CTNNA3: variants seen among roughly 807,000 people sequenced by gnomAD.
The protein encoded by CTNNA3 is catenin alpha 3.
CTNNA3 carries 76 observed loss-of-function variants against 95.7 expected under a neutral mutation model. That is an observed-to-expected ratio of 0.79 (90% CI 0.66 to 0.96). The LOEUF (loss-of-function observed/expected upper bound fraction) is 0.96. CTNNA3 is among the 40% of genes least tolerant of loss of function. The pLI is 0.00. For synonymous variants in CTNNA3, 431 were observed against 374.4 expected, an observed-to-expected ratio of 1.15 and a Z score of -1.74; for missense variants, 1,191 against 1,089.8, an observed-to-expected ratio of 1.09 and a Z score of -1.31.
chr10:66,508,691 G>A (rs1840550198), intron 11 of CTNNA3, among the ~76,000 whole-genome samples: 1 of 152,044 alleles, frequency 6.6e-6, no homozygotes, highest in Admixed American at 6.6e-5. Flanking sequence ...CCAGTTCTAT[G>A]CATGTTACAG....
rs187198707 is a variant in CTNNA3 at position 66,802,864 on chromosome 10, G to A, written c.1048-27340C>T. Among the ~76,000 whole-genome samples, 257 of 152,034 alleles carry A rather than the reference G, an allele frequency of 1.7e-3. 1 individual carries two copies. Among genetic ancestry groups the A allele is most frequent in the Middle Eastern group, 6.8e-3 (2 of 294 alleles). On this transcript the variant is annotated intron_variant, in intron 7 of 17. Coordinates refer to ENST00000433211, the MANE Select transcript of CTNNA3 (RefSeq NM_013266.4). ...AGGAATTTAAAATCTTTTTCTCAATGAGAGAAGACTTACACATCTAGATAA... is the reference window on the plus strand; with the variant it reads ...AGGAATTTAAAATCTTTTTCTCAATAAGAGAAGACTTACACATCTAGATAA...
intron 6 of CTNNA3, among the ~76,000 whole-genome samples, chr10:67,216,878 A>G (rs1864391473): frequency 6.6e-6 from 1 of 152,186 alleles, no homozygotes; most frequent in African/African-American, 2.4e-5. Flanking sequence ...AATTCTCTTA[A>G]TCTACAATTC....
chr10:67,328,762 T>C (rs1236795125), intron 5 of CTNNA3, among the ~76,000 whole-genome samples: 1 of 152,202 alleles, frequency 6.6e-6, no homozygotes, highest in Non-Finnish European at 1.5e-5. Flanking sequence ...GTTAGGAGTG[T>C]GTCAGTCATC....
chr10:67,418,005 T>C (rs538925677), intron 5 of CTNNA3, among the ~76,000 whole-genome samples: 13 of 152,266 alleles, frequency 8.5e-5, no homozygotes, highest in African/African-American at 2.9e-4. Flanking sequence ...AGAATATCCA[T>C]ACAAAGAAGT....
At chr10:66,337,699 T>C (rs2092411867) in intron 12 of CTNNA3, among the ~76,000 whole-genome samples, 1 of 152,140 alleles carries the variant, frequency 6.6e-6, no homozygotes, top group Non-Finnish European at 1.5e-5. Context: ...CCTAATGAGA[T>C]GTCATTTCAT....
At chr10:67,416,226 G>T (rs1564635075) in intron 5 of CTNNA3, among the ~76,000 whole-genome samples, 2 of 151,974 alleles carry the variant, frequency 1.3e-5, no homozygotes, top group Admixed American at 1.3e-4. Flanking sequence ...AATGATACAA[G>T]ATATTTGCAA....
intron 11 of CTNNA3, among the ~76,000 whole-genome samples, chr10:66,461,575 T>G (rs557448149): frequency 6.6e-6 from 1 of 151,844 alleles, no homozygotes; most frequent in Non-Finnish European, 1.5e-5. Flanking sequence ...GGCAGGACAC[T>G]TCTTAAGGGA....
intron 1 of CTNNA3, among the ~76,000 whole-genome samples, chr10:67,660,707 G>A (rs997678170): frequency 6.6e-6 from 1 of 151,992 alleles, no homozygotes; most frequent in Admixed American, 6.6e-5. Flanking sequence ...CCGAGGCGGT[G>A]GATCATGAGG....
chr10:66,735,213 A>G (rs1221127703), intron 9 of CTNNA3, among the ~76,000 whole-genome samples: 2 of 151,822 alleles, frequency 1.3e-5, no homozygotes, highest in East Asian at 3.9e-4. Flanking sequence ...CAGGCTTTTT[A>G]TAAGGTAATA....
intron 12 of CTNNA3, among the ~76,000 whole-genome samples, chr10:66,291,884 G>A (rs1319978067): frequency 6.6e-6 from 1 of 150,778 alleles, no homozygotes; most frequent in Non-Finnish European, 1.5e-5. Flanking sequence ...ATATGTGTGT[G>A]TTTCTGTGTG....
chr10:66,076,083 T>G (rs1201759264), intron 14 of CTNNA3, among the ~76,000 whole-genome samples: 2 of 151,586 alleles, frequency 1.3e-5, no homozygotes, highest in African/African-American at 4.8e-5. Context: ...AAATGTTTGA[T>G]AAACTTTAAA....
At chr10:67,708,745 TCA>T in intron 1 of CTNNA3, among the ~76,000 whole-genome samples, 1 of 152,144 alleles carries the variant, frequency 6.6e-6, no homozygotes, top group African/African-American at 2.4e-5. Flanking sequence ...TGTAGTTGTT[TCA>T]CTCAGAGAAA....
At chr10:66,933,081 G>T (rs1847499303) in intron 7 of CTNNA3, among the ~76,000 whole-genome samples, 1 of 152,176 alleles carries the variant, frequency 6.6e-6, no homozygotes, top group Admixed American at 6.5e-5. Context: ...ACTCTAAAAT[G>T]GCAACTACCT....
At chr10:66,852,432 T>C (rs78865321) in intron 7 of CTNNA3, among the ~76,000 whole-genome samples, 1,930 of 152,224 alleles carry the variant, frequency 0.013, 26 homozygotes, top group Middle Eastern at 0.031. Context: ...ATACTTGTGT[T>C]CAGAAATATA....
At chr10:66,297,394 G>GA (rs2091796473) in intron 12 of CTNNA3, among the ~76,000 whole-genome samples, 1 of 151,928 alleles carries the variant, frequency 6.6e-6, no homozygotes, top group East Asian at 1.9e-4. Flanking sequence ...TATATACATG[G>GA]AAAGAAACTT....
intron 9 of CTNNA3, among the ~76,000 whole-genome samples, chr10:66,661,516 C>T (rs1846264535): frequency 6.6e-6 from 1 of 152,044 alleles, no homozygotes; most frequent in Non-Finnish European, 1.5e-5. Context: ...TCTTTTTAAA[C>T]CTCTTAAAAC....
rs527409863 is a variant in CTNNA3 at position 67,279,777 on chromosome 10, T to A, written c.580-59907A>T. Among the ~76,000 whole-genome samples, 8 of 150,346 alleles carry A rather than the reference T, an allele frequency of 5.3e-5. 2 individuals carry two copies. The highest frequency in any genetic ancestry group is 2.0e-4 in the African/African-American group (8 of 40,614). ...ATCTAACCTCCTAAAGCCACCCAGC[T>A]AGTTCCAGTCACAGCCAGATATAAA... On this transcript the variant is annotated intron_variant, in intron 5 of 17. Transcript: ENST00000433211.
chr10:67,156,788 GT>G (rs1401519873), intron 7 of CTNNA3, among the ~76,000 whole-genome samples: 2 of 151,986 alleles, frequency 1.3e-5, no homozygotes, highest in African/African-American at 4.8e-5. Context: ...TTCTGTCCAT[GT>G]TTTTTTAGTT....
At chr10:66,450,733 C>T (rs1227252057) in intron 11 of CTNNA3, among the ~76,000 whole-genome samples, 1 of 152,020 alleles carries the variant, frequency 6.6e-6, no homozygotes, top group East Asian at 1.9e-4. Flanking sequence ...TAAAATGCTG[C>T]CTCATTTCCT....
Sources: gnomAD v4.1 joint callset for allele counts (sites outside exome capture counted in the v4.1 genomes callset) on GRCh38, gnomAD v4.1.1 for gene constraint, MANE v1.5 for transcripts, NCBI Gene and HGNC (gene_info 2026-07-23, HGNC 2026-07-21) for gene names.